Variants in H4C15 observed in about 807,000 individuals in gnomAD.
The protein encoded by H4C15 is H4 clustered histone 15, also known as histone H4.
downstream of H4C15, among the ~76,000 whole-genome samples, chr1:149,849,861 T>A (rs781904950): frequency 2.0e-5 from 3 of 152,246 alleles, no homozygotes; most frequent in Non-Finnish European, 2.9e-5. Flanking sequence ...GGTTTCTCGA[T>A]ACCATATATA....
At chr1:149,845,081 G>C in the H4C15 span, 1 of 152,212 alleles carries the variant, frequency 6.6e-6, no homozygotes, top group Non-Finnish European at 1.5e-5. Flanking sequence ...TGGGGACTGA[G>C]AATAAGAGCA....
At chr1:149,855,382 CAG>C (rs1442713809), downstream of H4C15, among the ~76,000 whole-genome samples, 1 of 71,094 alleles carries the variant, frequency 1.4e-5, no homozygotes, top group African/African-American at 5.2e-5. Flanking sequence ...TAGTGGGGGA[CAG>C]GTGTGTGTGT....
the H4C15 span, chr1:149,847,177 AG>A: frequency 6.6e-6 from 1 of 152,204 alleles, no homozygotes; most frequent in South Asian, 2.1e-4. Context: ...CTCTCCTATA[AG>A]GACTGTGGTG....
chr1:149,850,803 G>A (rs1553757756), downstream of H4C15: 2 of 178,274 alleles, frequency 1.1e-5, no homozygotes, highest in African/African-American at 1.9e-4. Context: ...ACCGACCCCC[G>A]AGAACGCAAG....
downstream of H4C15, chr1:149,850,304 C>A (rs1553757602): frequency 7.1e-7 from 1 of 1,404,602 alleles, no homozygotes; most frequent in Non-Finnish European, 9.9e-7. Context: ...GGTTAAATGG[C>A]CCTGAAAAGA....
chr1:149,847,799 C>T, the H4C15 span: 1 of 152,226 alleles, frequency 6.6e-6, no homozygotes, highest in Non-Finnish European at 1.5e-5. Flanking sequence ...GAGTGAAACT[C>T]CATCTCAAGA....
At chr1:149,845,164 T>C in the H4C15 span, 1 of 152,206 alleles carries the variant, frequency 6.6e-6, no homozygotes, top group African/African-American at 2.4e-5. Context: ...TACTTTTCCT[T>C]TCTTACCAAA....
At chr1:149,846,704 G>A in the H4C15 span, 2 of 152,060 alleles carry the variant, frequency 1.3e-5, no homozygotes, top group Non-Finnish European at 2.9e-5. Context: ...CAAATATGTT[G>A]GCACTTCTCC....
At chr1:149,845,101 T>C in the H4C15 span, 2 of 152,212 alleles carry the variant, frequency 1.3e-5, no homozygotes, top group Admixed American at 6.5e-5. Flanking sequence ...AGGAAAGCAA[T>C]AAACAGCTAA....
the H4C15 span, chr1:149,848,286 C>G: frequency 6.6e-6 from 1 of 152,112 alleles, no homozygotes; most frequent in Non-Finnish European, 1.5e-5. Context: ...TTCCTTTTAT[C>G]TAGGAAATTA....
chr1:149,849,604 A>G (rs1449018321), downstream of H4C15, among the ~76,000 whole-genome samples: 1 of 152,208 alleles, frequency 6.6e-6, no homozygotes, highest in Non-Finnish European at 1.5e-5. Context: ...CAGAAATCGT[A>G]TATTTTGTTG....
At chr1:149,846,646 G>A in the H4C15 span, 2 of 152,100 alleles carry the variant, frequency 1.3e-5, no homozygotes, top group Non-Finnish European at 2.9e-5. Context: ...CCTTATCTTT[G>A]TCTTCTCATG....
At chr1:149,849,569 C>T (rs2092162161), downstream of H4C15, among the ~76,000 whole-genome samples, 1 of 152,200 alleles carries the variant, frequency 6.6e-6, no homozygotes, top group African/African-American at 2.4e-5. Context: ...TCCTTCTCCT[C>T]TTCAGGGATC....
At chr1:149,846,659 CACAG>C in the H4C15 span, 2 of 152,202 alleles carry the variant, frequency 1.3e-5, no homozygotes, top group African/African-American at 2.4e-5. Context: ...TTCTCATGTA[CACAG>C]ACAGCCTCTG....
At chr1:149,846,131 A>ATG in the H4C15 span, 1 of 152,134 alleles carries the variant, frequency 6.6e-6, no homozygotes, top group Admixed American at 6.5e-5. Flanking sequence ...CATGATGTCT[A>ATG]TGTGTGTATA....
the H4C15 span, chr1:149,845,188 T>C: frequency 6.6e-6 from 1 of 152,200 alleles, no homozygotes; most frequent in African/African-American, 2.4e-5. Context: ...CACACAGGTA[T>C]GAAAGCAATA....
downstream of H4C15, chr1:149,850,236 G>A (rs1553757576): frequency 4.0e-6 from 4 of 1,009,792 alleles, no homozygotes; most frequent in Non-Finnish European, 6.0e-6. Flanking sequence ...TTAACCAGAC[G>A]TGAAGCCAAA....
chr1:149,850,852 T>C (rs2092176967), downstream of H4C15: 4 of 142,508 alleles, frequency 2.8e-5, no homozygotes, highest in Admixed American at 4.0e-4. Context: ...AACGACTGTG[T>C]ACTTACAGAG....
At chr1:149,849,252 G>A (rs145791087), downstream of H4C15, among the ~76,000 whole-genome samples, 30 of 152,240 alleles carry the variant, frequency 2.0e-4, no homozygotes, top group African/African-American at 7.2e-4. Flanking sequence ...TCACACTTTA[G>A]CATATATCAC....
Sources: gnomAD v4.1 joint callset for allele counts (sites outside exome capture counted in the v4.1 genomes callset) on GRCh38, gnomAD v4.1.1 for gene constraint, MANE v1.5 for transcripts, NCBI Gene and HGNC (gene_info 2026-07-23, HGNC 2026-07-21) for gene names.